ABCB10: variants seen among roughly 807,000 people sequenced by gnomAD.
ABCB10 encodes the protein ATP-binding cassette sub-family B member 10, mitochondrial.
In ABCB10, 54 loss-of-function variants were observed where a neutral mutation model predicts 65.4. That is an observed-to-expected ratio of 0.83 (90% CI 0.66 to 1.04). The LOEUF is 1.04. ABCB10 is among the 50% of genes least tolerant of loss of function. The pLI is 0.00. For synonymous variants in ABCB10, 418 were observed against 406.5 expected, an observed-to-expected ratio of 1.03 and a Z score of -0.34; for missense variants, 846 against 976.6, an observed-to-expected ratio of 0.87 and a Z score of 1.78.
intron 4 of ABCB10, among the ~76,000 whole-genome samples, chr1:229,540,992 G>A (rs959991708): frequency 2.0e-5 from 3 of 151,946 alleles, no homozygotes; most frequent in Non-Finnish European, 4.4e-5. Flanking sequence ...AGTTGTGGGG[G>A]AAAAAAATCT....
In ABCB10 at chr1:229,531,655, C is replaced by T. The variant is rs1326621554; in HGVS notation, c.1416G>A (p.Glu472=). ...ACCCACCGTTAAAAGGCAGCTTGGG[C>T]TCTCTCTCCAGGAGCTCCCAGAGGC... ...GGRLWELLER[E]PKLPFNEGVI... The change falls in exon 7 of 13, where the codon GAG becomes GAA. Residue 472 remains glutamate, a synonymous_variant. Transcript: ENST00000344517. 2 of 1,613,876 alleles carry T rather than the reference C, an allele frequency of 1.2e-6. No individual in the cohort carries two copies. Among genetic ancestry groups the T allele is most frequent in the South Asian group, 1.1e-5 (1 of 91,066 alleles).
chr1:229,534,479 A>G (rs1662657991), intron 6 of ABCB10, among the ~76,000 whole-genome samples: 1 of 152,084 alleles, frequency 6.6e-6, no homozygotes, highest in Non-Finnish European at 1.5e-5. Context: ...TAATCCCAGC[A>G]CTTTGGGAGG....
intron 1 of ABCB10, among the ~76,000 whole-genome samples, chr1:229,557,768 C>A (rs1248952063): frequency 6.6e-6 from 1 of 152,008 alleles, no homozygotes; most frequent in Non-Finnish European, 1.5e-5. Context: ...ACAAAATAGG[C>A]ATATTTTTGG....
chr1:229,527,999 G>C (rs769567583), intron 8 of ABCB10, among the ~76,000 whole-genome samples: 2 of 152,198 alleles, frequency 1.3e-5, no homozygotes, highest in Non-Finnish European at 2.9e-5. Flanking sequence ...TAAATAATCA[G>C]ACGCTATCTT....
intron 6 of ABCB10, among the ~76,000 whole-genome samples, chr1:229,537,461 C>T (rs970713612): frequency 3.3e-5 from 5 of 152,178 alleles, no homozygotes; most frequent in Admixed American, 6.5e-5. Flanking sequence ...TTTTAGACAG[C>T]GATTCTATAA....
intron 10 of ABCB10, among the ~76,000 whole-genome samples, chr1:229,524,766 G>A (rs1231033489): frequency 2.0e-5 from 3 of 152,096 alleles, no homozygotes; most frequent in African/African-American, 7.2e-5. Context: ...CTCAAGCTAA[G>A]AATGTGTTTT....
At chr1:229,546,987 CT>C (rs1662983121) in intron 3 of ABCB10, among the ~76,000 whole-genome samples, 1 of 152,146 alleles carries the variant, frequency 6.6e-6, no homozygotes, top group Non-Finnish European at 1.5e-5. Flanking sequence ...TGCATTGCCT[CT>C]CCAATGACCT....
rs200801558 is a variant in ABCB10, at chr1:229,525,863, CA to C, written c.1906+72del. ...CCGTCTCAAAAACAAAACAAACAAA[CA>C]AAAAAAACAAGAAACATGTGAAAAG... On this transcript the variant is annotated intron_variant, in intron 10 of 12. Transcript: ENST00000344517. 1.8e-4 allele frequency: 264 copies of C among 1,507,134 alleles called. No individual in the cohort carries two copies. The African/African-American group carries it at 3.1e-3, about 18-fold the overall frequency. The allele number at this position is 1,507,134 out of a possible 1,614,324, so 93.4% of individuals were successfully genotyped here.
At chr1:229,524,214 G>A (rs1662379129) in intron 10 of ABCB10, among the ~76,000 whole-genome samples, 3 of 151,646 alleles carry the variant, frequency 2.0e-5, no homozygotes, top group Admixed American at 2.0e-4. Context: ...AGGGTGGAGT[G>A]CAGTGGTGCG....
intron 10 of ABCB10, among the ~76,000 whole-genome samples, chr1:229,522,142 A>G (rs1571955706): frequency 6.6e-6 from 1 of 151,686 alleles, no homozygotes; most frequent in African/African-American, 2.4e-5. Flanking sequence ...TATAGGCGGG[A>G]GCCACAGTGC....
At chr1:229,531,559 C>T in intron 7 of ABCB10, 77 bp downstream of exon 7, 1 of 1,402,800 alleles carries the variant, frequency 7.1e-7, no homozygotes, top group Non-Finnish European at 1.0e-6. Context: ...CACTCCCTTG[C>T]AGACAGGGGA....
At chr1:229,531,785 GCCA>G (rs1438248648) in intron 6 of ABCB10, 54 bp from the exon 7 acceptor site, 1 of 1,402,592 alleles carries the variant, frequency 7.1e-7, no homozygotes, top group Non-Finnish European at 1.0e-6. Flanking sequence ...ACTGGCACTG[GCCA>G]CCACTCCTCT....
In ABCB10 at chr1:229,518,878, G is replaced by T; in HGVS notation, c.1951-3C>A. ...TCTAGGAGAAGAATTTTGGGATTCT[G>T]AAGAAGGAAAAAAAAGGAAAAGATA... On this transcript the variant is annotated splice_region_variant and splice_polypyrimidine_tract_variant and intron_variant, in intron 11 of 12. Transcript: ENST00000344517. 1 of 1,590,220 alleles carries T rather than the reference G, an allele frequency of 6.3e-7. No individual in the cohort carries two copies. The highest frequency in any genetic ancestry group is 8.6e-7 in the Non-Finnish European group (1 of 1,167,728).
intron 1 of ABCB10, among the ~76,000 whole-genome samples, chr1:229,554,077 G>A (rs116379443): frequency 0.027 from 4,149 of 152,320 alleles, 188 homozygotes; most frequent in African/African-American, 0.093. Flanking sequence ...GATGCTTTGC[G>A]GAGAAAGGTA....
intron 6 of ABCB10, chr1:229,535,040 A>AAAAAG: frequency 2.2e-5 from 1 of 46,500 alleles, no homozygotes; most frequent in African/African-American, 5.7e-5. Context: ...ACTCCCTTTA[A>AAAAAG]AAAAAAAAAA....
At position 229,540,606 on chromosome 1, in the gene ABCB10, T is replaced by A. The variant is rs145738622; in HGVS notation, c.1203A>T (p.Ala401=). 6.2e-7 allele frequency: 1 copy of A among 1,610,512 alleles called. No individual in the cohort carries two copies. Among genetic ancestry groups the A allele is most frequent in the Non-Finnish European group, 8.5e-7 (1 of 1,179,530 alleles). The part of the protein sequence containing the change: ...EAFARAGFFG[A]TGLSGNLIVL... ...ACTTTTTCCAAAGTGATCTACTTAC[T>A]GCTCCAAAGAAACCAGCCCGGGCGA... Residue 401 remains alanine, a splice_region_variant and synonymous_variant, in exon 5 of 13, where the codon GCA becomes GCT. Transcript: ENST00000344517.
intron 1 of ABCB10, 58 bp downstream of exon 1, chr1:229,558,078 A>G: frequency 7.8e-7 from 1 of 1,286,878 alleles, no homozygotes; most frequent in Non-Finnish European, 9.8e-7. Flanking sequence ...GCGCCCCGGG[A>G]CCCCGCGTGT....
In ABCB10 at chr1:229,528,032, C is replaced by T. The variant is rs146187087; in HGVS notation, c.1646-724G>A. Among the ~76,000 whole-genome samples, 442 of 152,310 alleles carry T rather than the reference C, an allele frequency of 2.9e-3. 2 individuals are homozygous for T. Among genetic ancestry groups the T allele is most frequent in the Non-Finnish European group, 3.8e-3 (258 of 68,020 alleles). ...CTTTATGACTTTTGCTAACAGAATT[C>T]TTCACATTGAGGGTGCTCAACAAAA... On this transcript the variant is annotated intron_variant, in intron 8 of 12. Transcript: ENST00000344517.
Position 229,534,714 on chromosome 1 carries a change from C to CA in ABCB10, c.1340-2984dup, listed in dbSNP as rs548964973. Among the ~76,000 whole-genome samples, 411 of 151,168 alleles carry CA rather than the reference C, an allele frequency of 2.7e-3. 1 individual carries two copies. The highest frequency in any genetic ancestry group is 9.1e-3 in the African/African-American group (376 of 41,214). On this transcript the variant is annotated intron_variant, in intron 6 of 12. Coordinates refer to ENST00000344517, the MANE Select transcript of ABCB10 (RefSeq NM_012089.3). Reference sequence around the variant, plus strand: ...TGAAACCCCGTCTCTACTAAAAATACAAAAAAAATAGCTGGACGCAGTGGC... The same window carrying CA: ...TGAAACCCCGTCTCTACTAAAAATACAAAAAAAAATAGCTGGACGCAGTGGC...
Sources: allele counts gnomAD v4.1 joint callset (sites outside exome capture counted in the v4.1 genomes callset), GRCh38; gene constraint gnomAD v4.1.1; transcripts MANE v1.5; gene names NCBI Gene and HGNC (gene_info 2026-07-23, HGNC 2026-07-21).